Variants in DAPK1 observed in about 807,000 individuals in gnomAD.
The protein encoded by DAPK1 is death-associated protein kinase 1.
A neutral mutation model predicts 144.9 loss-of-function variants in DAPK1; 56 were observed. The ratio of observed to expected loss-of-function variants is 0.39; its 90% CI spans 0.31 to 0.48. DAPK1 has a LOEUF of 0.48. Among genes scored for constraint, DAPK1 ranks in the 20% least tolerant of loss-of-function variants. The probability of loss-of-function intolerance (pLI) is 0.95; values close to 1 mark genes in which losing one functional copy is unlikely to be tolerated. For missense variants in DAPK1, 1,454 were observed against 1,875.4 expected (o/e 0.78, Z 4.15); for synonymous variants, 690 against 749.0 (o/e 0.92, Z 1.29).
chr9:87,702,168 TTTTG>T (rs1012874950), intron 24 of DAPK1, among the ~76,000 whole-genome samples: 54 of 152,250 alleles, frequency 3.5e-4, no homozygotes, highest in Admixed American at 3.1e-3. Context: ...CCCCTGAGAA[TTTTG>T]TTTTTGAATG....
intron 2 of DAPK1, among the ~76,000 whole-genome samples, chr9:87,543,254 A>G (rs1160156575): frequency 3.9e-5 from 6 of 152,240 alleles, no homozygotes; most frequent in African/African-American, 1.4e-4. Context: ...TGCTCTTACC[A>G]CAGTAGAGGA....
intron 2 of DAPK1, among the ~76,000 whole-genome samples, chr9:87,538,914 T>C (rs1002742069): frequency 3.3e-4 from 50 of 151,802 alleles, no homozygotes; most frequent in Middle Eastern, 3.4e-3. Flanking sequence ...GTAAGTTTAT[T>C]TGGATGCTAA....
Position 87,642,133 on chromosome 9 carries a change from C to T in DAPK1, c.918+75C>T, listed in dbSNP as rs36212049. On this transcript the variant is annotated intron_variant, in intron 10 of 25. Coordinates refer to ENST00000408954, the MANE Select transcript of DAPK1 (RefSeq NM_004938.4). ...AGTAGTGTGTGGTCAGGGTGCATCT[C>T]CTCTGATACTGGTAATATGGAAGAT... 1,499 of 1,119,158 alleles carry T rather than the reference C, an allele frequency of 1.3e-3. 8 individuals are homozygous for T. In the Middle Eastern group the frequency reaches 0.02, roughly 15 times the overall value. 69.3% of individuals were successfully genotyped at this position (1,119,158 alleles called of 1,614,324 possible).
intron 3 of DAPK1, among the ~76,000 whole-genome samples, chr9:87,608,161 A>T (rs1362214498): frequency 6.6e-6 from 1 of 152,222 alleles, no homozygotes. Flanking sequence ...ATTGGGAATT[A>T]TAATCCGACA....
At chr9:87,559,477 AAG>A (rs139988670) in intron 2 of DAPK1, among the ~76,000 whole-genome samples, 35,222 of 151,946 alleles carry the variant, frequency 0.23, 4,590 homozygotes, top group Non-Finnish European at 0.3. Context: ...TGTTTCCAAA[AAG>A]GTAAATTTTT....
intron 2 of DAPK1, among the ~76,000 whole-genome samples, chr9:87,553,095 T>C (rs538619371): frequency 2.0e-5 from 3 of 152,326 alleles, no homozygotes; most frequent in Admixed American, 6.5e-5. Flanking sequence ...TTTCTGTCTC[T>C]GAATTTAAAT....
intron 3 of DAPK1, among the ~76,000 whole-genome samples, chr9:87,631,434 G>C (rs1829688771): frequency 6.6e-6 from 1 of 152,180 alleles, no homozygotes; most frequent in Non-Finnish European, 1.5e-5. Context: ...TTTGGTGGTA[G>C]TAAAAGACAT....
intron 2 of DAPK1, among the ~76,000 whole-genome samples, chr9:87,565,140 A>G (rs977344632): frequency 1.3e-5 from 2 of 152,220 alleles, no homozygotes; most frequent in Non-Finnish European, 2.9e-5. Flanking sequence ...CGAATGCTCC[A>G]GAAAGCACCA....
chr9:87,603,527 G>C (rs1191490174), intron 2 of DAPK1, among the ~76,000 whole-genome samples: 6 of 152,134 alleles, frequency 3.9e-5, no homozygotes, highest in Admixed American at 3.9e-4. Context: ...GCCTCCTACT[G>C]CTAAAGTAAA....
intron 2 of DAPK1, among the ~76,000 whole-genome samples, chr9:87,546,894 T>A (rs911557755): frequency 6.6e-6 from 1 of 152,132 alleles, no homozygotes; most frequent in African/African-American, 2.4e-5. Flanking sequence ...CAGTGACTCA[T>A]GCCTGTAGTC....
At chr9:87,537,443 A>G (rs1825897016) in intron 2 of DAPK1, among the ~76,000 whole-genome samples, 1 of 151,860 alleles carries the variant, frequency 6.6e-6, no homozygotes, top group Admixed American at 6.6e-5. Context: ...TGTGTTGTGA[A>G]TGTGGTATGT....
chr9:87,640,586 C>A, intron 8 of DAPK1, 136 bp downstream of exon 8: 2 of 1,122,652 alleles, frequency 1.8e-6, no homozygotes, highest in Non-Finnish European at 2.6e-6. Flanking sequence ...CCATGTGAAA[C>A]GCTTCAGAAA....
At chr9:87,626,527 G>T (rs1829502151) in intron 3 of DAPK1, among the ~76,000 whole-genome samples, 1 of 152,214 alleles carries the variant, frequency 6.6e-6, no homozygotes, top group Admixed American at 6.5e-5. Flanking sequence ...AGGTTATGCA[G>T]CCCAGCCTGC....
chr9:87,578,259 A>G (rs1453239590), intron 2 of DAPK1, among the ~76,000 whole-genome samples: 1 of 152,246 alleles, frequency 6.6e-6, no homozygotes, highest in African/African-American at 2.4e-5. Context: ...TTAGGATCAT[A>G]TGGATGTATG....
intron 3 of DAPK1, among the ~76,000 whole-genome samples, chr9:87,619,711 A>G (rs527267961): frequency 3.3e-4 from 51 of 152,336 alleles, no homozygotes; most frequent in Non-Finnish European, 3.5e-4. Flanking sequence ...ATAGAAGGAC[A>G]GTCGATGGGA....
At chr9:87,506,911 A>T (rs1824623338) in intron 2 of DAPK1, 1 of 152,198 alleles carries the variant, frequency 6.6e-6, no homozygotes, top group Admixed American at 6.5e-5. Context: ...ACTTTCTCTA[A>T]CTATTAAATC....
intron 21 of DAPK1, 99 bp from the exon 22 acceptor site, chr9:87,696,908 C>CACTATGCCT: frequency 1.3e-6 from 1 of 764,366 alleles, no homozygotes; most frequent in Admixed American, 1.7e-5. Context: ...CCATAAGTAT[C>CACTATGCCT]ACTATGCCTA....
intron 9 of DAPK1, among the ~76,000 whole-genome samples, chr9:87,641,707 A>C (rs1178921127): frequency 3.3e-5 from 5 of 152,282 alleles, no homozygotes; most frequent in African/African-American, 1.2e-4. Context: ...TTCCCAAACT[A>C]TCAGTGTGGA....
chr9:87,653,852 C>T (rs1830542071), intron 17 of DAPK1, among the ~76,000 whole-genome samples: 1 of 151,984 alleles, frequency 6.6e-6, no homozygotes, highest in African/African-American at 2.4e-5. Context: ...TGCCACCATG[C>T]CCTGCTAATT....
Sources: gnomAD v4.1 joint callset for allele counts (sites outside exome capture counted in the v4.1 genomes callset) on GRCh38, gnomAD v4.1.1 for gene constraint, MANE v1.5 for transcripts, NCBI Gene and HGNC (gene_info 2026-07-23, HGNC 2026-07-21) for gene names.